DMXL2: variants seen among roughly 807,000 people sequenced by gnomAD.
DMXL2 encodes the protein dmX-like protein 2.
A neutral mutation model predicts 331.1 loss-of-function variants in DMXL2; 103 were observed. That is an observed-to-expected ratio of 0.31 (90% CI 0.27 to 0.37). The LOEUF (loss-of-function observed/expected upper bound fraction) is 0.37. Among genes scored for constraint, DMXL2 ranks in the 10% least tolerant of loss-of-function variants. The pLI is 1.00. For synonymous variants in DMXL2, 1,281 were observed against 1,252.1 expected, an observed-to-expected ratio of 1.02 and a Z score of -0.49; for missense variants, 3,171 against 3,642.9, an observed-to-expected ratio of 0.87 and a Z score of 3.33.
intron 28 of DMXL2, among the ~76,000 whole-genome samples, chr15:51,473,028 G>T (rs954732986): frequency 5.9e-5 from 9 of 152,260 alleles, no homozygotes; most frequent in Admixed American, 1.3e-4. Flanking sequence ...TGGTCCCTGG[G>T]TAGTTCTTGG....
Position 51,484,974 on chromosome 15 carries a change from C to T in DMXL2, c.5482+1099G>A, listed in dbSNP as rs572172570. 4.2e-4 allele frequency among the ~76,000 whole-genome samples: 58 copies of T among 139,124 alleles called. 3 individuals are homozygous for T. The South Asian group carries it at 0.01, about 25-fold the overall frequency. 91.3% of individuals were successfully genotyped at this position (139,124 alleles called of 152,430 possible). A position where few individuals can be genotyped will look rare whatever the true frequency, so the allele number is the denominator to read the frequency against. On this transcript the variant is annotated intron_variant, in intron 23 of 43. Coordinates refer to ENST00000560891, the MANE Select transcript of DMXL2 (RefSeq NM_001378457.1). ...CAAGAGCTTCAACAACAGACTAGAT[C>T]GAGCAGAAGAAAGAATTTCTGAACT...
chr15:51,617,579 G>T (rs536039044), intron 1 of DMXL2, among the ~76,000 whole-genome samples: 1 of 152,270 alleles, frequency 6.6e-6, no homozygotes, highest in East Asian at 1.9e-4. Flanking sequence ...AGCAATATAC[G>T]ATAAAGACTC....
chr15:51,600,753 T>A (rs561398178), intron 1 of DMXL2, among the ~76,000 whole-genome samples: 6 of 152,174 alleles, frequency 3.9e-5, no homozygotes, highest in Admixed American at 1.3e-4. Context: ...CACAAGGGTA[T>A]CTGCCAGTAT....
chr15:51,549,206 C>T (rs541205307), intron 6 of DMXL2, among the ~76,000 whole-genome samples: 2 of 152,176 alleles, frequency 1.3e-5, no homozygotes, highest in South Asian at 2.1e-4. Flanking sequence ...TGAGAACATA[C>T]GATGTTTGGT....
chr15:51,605,301 A>G (rs1325355348), intron 1 of DMXL2, among the ~76,000 whole-genome samples: 1 of 152,060 alleles, frequency 6.6e-6, no homozygotes, highest in Admixed American at 6.6e-5. Flanking sequence ...CTTGGGTTCA[A>G]GTGATTCTAG....
chr15:51,599,568 T>A (rs144927670), intron 1 of DMXL2, among the ~76,000 whole-genome samples: 1 of 152,244 alleles, frequency 6.6e-6, no homozygotes, highest in East Asian at 1.9e-4. Flanking sequence ...TACACAAATA[T>A]ATGCATGTAT....
At chr15:51,521,414 CTAGTAGTAGTAGTAGTAGTAG>C (rs10667947) in intron 13 of DMXL2, among the ~76,000 whole-genome samples, 8 of 142,004 alleles carry the variant, frequency 5.6e-5, no homozygotes, top group Admixed American at 3.5e-4. Flanking sequence ...TAAAAGTTTG[CTAGTAGTAGTAGTAGTAGTAG>C]TAGTAGTAGT....
chr15:51,488,410 T>C, intron 21 of DMXL2, 138 bp downstream of exon 21: 1 of 810,236 alleles, frequency 1.2e-6, no homozygotes, highest in Non-Finnish European at 2.0e-6. Context: ...ACCCATTTTT[T>C]TCAGCTAAAG....
rs769283309 is a variant in DMXL2, at chr15:51,502,306, TTG to T, written c.2992+498_2992+499del. Among the ~76,000 whole-genome samples, 1,099 of 140,354 alleles carry T rather than the reference TTG, an allele frequency of 7.8e-3. 13 individuals carry two copies. The highest frequency in any genetic ancestry group is 0.023 in the African/African-American group (866 of 37,000). 92.1% of individuals were successfully genotyped at this position (140,354 alleles called of 152,430 possible). On this transcript the variant is annotated intron_variant, in intron 17 of 43. Transcript: ENST00000560891. ...ATTTATCACAGGAAATTTTGTGGGT[TTG>T]TGTGTGTGTGTGTGTGTGTGTGTGT...
chr15:51,603,266 G>T (rs1011286406), intron 1 of DMXL2, among the ~76,000 whole-genome samples: 28 of 152,050 alleles, frequency 1.8e-4, no homozygotes, highest in African/African-American at 6.5e-4. Flanking sequence ...TAAAAGAGGG[G>T]TATCAGTACT....
chr15:51,535,775 C>G lies in DMXL2; in HGVS notation c.2324G>C (p.Cys775Ser), dbSNP rs2048254179. 6.2e-7 allele frequency: 1 copy of G among 1,605,490 alleles called. No individual in the cohort carries two copies. Among genetic ancestry groups the G allele is most frequent in the African/African-American group, 1.3e-5 (1 of 74,314 alleles). The part of the protein sequence containing the change: ...LIPSYCLGTY[C>S]NSASACFVAS... ...AACAAAGCAAGCACTTGCAGAATTGCAGTATGTGCCTGAGAAAGGAAAACA... is the reference window on the plus strand; with the variant it reads ...AACAAAGCAAGCACTTGCAGAATTGGAGTATGTGCCTGAGAAAGGAAAACA... The change falls in exon 13 of 44, where the codon TGC becomes TCC. Residue 775 changes from cysteine to serine, a missense_variant. Physicochemically the swap from Cys to Ser is moderately radical, Grantham distance 112 (BLOSUM62 -1). This residue lies in a region of DMXL2 where 1,674 missense variants were observed against 1,780.2 expected (regional missense o/e 0.94). Transcript: ENST00000560891.
intron 1 of DMXL2, among the ~76,000 whole-genome samples, chr15:51,600,847 A>G (rs1027687306): frequency 6.6e-6 from 1 of 152,162 alleles, no homozygotes; most frequent in Non-Finnish European, 1.5e-5. Flanking sequence ...CTATCTCATG[A>G]AAGACAGACT....
intron 41 of DMXL2, 45 bp from the exon 42 acceptor site, chr15:51,451,742 TATA>T (rs1260801227): frequency 6.5e-7 from 1 of 1,534,660 alleles, no homozygotes; most frequent in Non-Finnish European, 9.0e-7. Flanking sequence ...AAATGATTGT[TATA>T]AGTCGTCATC....
At chr15:51,595,951 T>A (rs2052769774) in intron 1 of DMXL2, among the ~76,000 whole-genome samples, 1 of 152,088 alleles carries the variant, frequency 6.6e-6, no homozygotes, top group African/African-American at 2.4e-5. Flanking sequence ...ATGTTAGACC[T>A]AAAACCATAA....
chr15:51,568,843 G>A (rs2050466892), intron 2 of DMXL2, among the ~76,000 whole-genome samples: 1 of 152,028 alleles, frequency 6.6e-6, no homozygotes, highest in Non-Finnish European at 1.5e-5. Context: ...AACAGCTCTG[G>A]TCTACAGCTC....
At chr15:51,577,872 T>A (rs923824478) in intron 1 of DMXL2, among the ~76,000 whole-genome samples, 23 of 152,114 alleles carry the variant, frequency 1.5e-4, no homozygotes, top group Non-Finnish European at 2.9e-5. Flanking sequence ...ATGAAGCAAA[T>A]AATACTTGTC....
intron 15 of DMXL2, among the ~76,000 whole-genome samples, chr15:51,508,801 C>A (rs933143798): frequency 7.9e-5 from 12 of 152,062 alleles, no homozygotes; most frequent in African/African-American, 2.7e-4. Context: ...ATCCAATAGC[C>A]CTAGTTGATA....
intron 9 of DMXL2, 43 bp downstream of exon 9, chr15:51,542,290 C>T: frequency 1.3e-6 from 2 of 1,556,536 alleles, no homozygotes; most frequent in Non-Finnish European, 8.8e-7. Context: ...ATTTATTTAC[C>T]TGACTTCAAC....
At chr15:51,607,424 C>G (rs1417735473) in intron 1 of DMXL2, among the ~76,000 whole-genome samples, 3 of 151,944 alleles carry the variant, frequency 2.0e-5, no homozygotes, top group African/African-American at 7.3e-5. Context: ...CCATTGCACT[C>G]CAGCCTGAGC....
Sources: allele counts gnomAD v4.1 joint callset (sites outside exome capture counted in the v4.1 genomes callset), GRCh38; gene constraint gnomAD v4.1.1; regional missense constraint gnomAD v4.1.1; transcripts MANE v1.5; gene names NCBI Gene and HGNC (gene_info 2026-07-23, HGNC 2026-07-21).